Variants in CPXM2 observed in about 807,000 individuals in gnomAD.
CPXM2 encodes the protein carboxypeptidase X, M14 family member 2, also known as inactive carboxypeptidase-like protein X2.
A neutral mutation model predicts 86.1 loss-of-function variants in CPXM2; 66 were observed. The observed-to-expected ratio is 0.77, with a 90% CI of 0.63 to 0.94. The LOEUF (loss-of-function observed/expected upper bound fraction) is 0.94, where lower values mean the gene tolerates loss of function less well. CPXM2 is among the 40% of genes least tolerant of loss of function. CPXM2 has a pLI of 0.00. For missense variants in CPXM2, 948 were observed against 1,026.3 expected (o/e 0.92, Z 1.04); for synonymous variants, 388 against 400.2 (o/e 0.97, Z 0.36).
intron 4 of CPXM2, among the ~76,000 whole-genome samples, chr10:123,817,182 C>G (rs1035952607): frequency 6.6e-6 from 1 of 152,162 alleles, no homozygotes; most frequent in Non-Finnish European, 1.5e-5. Flanking sequence ...TTGAATGACC[C>G]AAAAGGCTGC....
intron 3 of CPXM2, among the ~76,000 whole-genome samples, chr10:123,861,747 C>A (rs1444261015): frequency 1.3e-5 from 2 of 152,222 alleles, no homozygotes; most frequent in African/African-American, 4.8e-5. Flanking sequence ...AAAATTGATT[C>A]TCCCTACAGT....
intron 4 of CPXM2, among the ~76,000 whole-genome samples, chr10:123,834,922 C>A (rs148396100): frequency 6.6e-6 from 1 of 152,292 alleles, no homozygotes; most frequent in Non-Finnish European, 1.5e-5. Context: ...TCCCCTCTCC[C>A]CATGTGATCT....
At chr10:123,843,351 C>A in intron 3 of CPXM2, 1 of 438,014 alleles carries the variant, frequency 2.3e-6, no homozygotes, top group South Asian at 1.7e-5. Flanking sequence ...CCTGACTCCT[C>A]GCCTCCCAAA....
intron 6 of CPXM2, among the ~76,000 whole-genome samples, chr10:123,788,446 T>C (rs1847122594): frequency 1.3e-5 from 2 of 151,720 alleles, no homozygotes; most frequent in African/African-American, 2.4e-5. Flanking sequence ...ATACGAAACT[T>C]CCCCCCTCCA....
In CPXM2 at chr10:123,865,823, G is replaced by T. The variant is rs147807478; in HGVS notation, c.404-3100C>A. 0.013 allele frequency among the ~76,000 whole-genome samples: 1,904 copies of T among 152,204 alleles called. 8 individuals carry two copies. Among genetic ancestry groups the T allele is most frequent in the Middle Eastern group, 0.024 (7 of 294 alleles). Reference sequence around the variant, plus strand: ...GCCTCCTCCTGGCCAACCCCAGGAGGGGCAACACCTCCATCTCTGCTTCTT... The same window carrying T: ...GCCTCCTCCTGGCCAACCCCAGGAGTGGCAACACCTCCATCTCTGCTTCTT... On this transcript the variant is annotated intron_variant, in intron 2 of 13. Coordinates refer to ENST00000241305, the MANE Select transcript of CPXM2 (RefSeq NM_198148.3). This position sits in a 1 kb window ranked among gnomAD's most constrained non-coding sequence, Gnocchi z 4.7.
intron 5 of CPXM2, 138 bp downstream of exon 5, chr10:123,798,977 G>T: frequency 1.1e-6 from 1 of 924,174 alleles, no homozygotes; most frequent in Non-Finnish European, 1.7e-6. Flanking sequence ...AAGGGTCTCT[G>T]TCCATCAGAC....
intron 2 of CPXM2, among the ~76,000 whole-genome samples, chr10:123,936,780 G>C (rs942692662): frequency 1.3e-5 from 2 of 151,954 alleles, no homozygotes; most frequent in Admixed American, 1.3e-4. Context: ...TCCAGTCCTC[G>C]GGCCCCACTG....
intron 3 of CPXM2, among the ~76,000 whole-genome samples, chr10:123,856,402 G>T (rs570741482): frequency 1.8e-4 from 28 of 152,288 alleles, no homozygotes; most frequent in African/African-American, 6.3e-4. Flanking sequence ...CTTCAGCAGG[G>T]CTGCTGTCCC....
chr10:123,875,035 A>T (rs561699080), intron 2 of CPXM2, among the ~76,000 whole-genome samples: 28 of 152,310 alleles, frequency 1.8e-4, no homozygotes, highest in Admixed American at 7.2e-4. Context: ...GACTGGCCAC[A>T]CTGCTCATGT....
Position 123,762,147 on chromosome 10 carries a change from A to G in CPXM2, c.1502T>C (p.Val501Ala). 6.2e-7 allele frequency: 1 copy of G among 1,614,090 alleles called. No homozygotes were observed. Among genetic ancestry groups the G allele is most frequent in the Non-Finnish European group, 8.5e-7 (1 of 1,180,020 alleles). The change falls in exon 11 of 14, where the codon GTC (valine) becomes GCC (alanine). Residue 501 changes from valine to alanine, a missense_variant. Physicochemically the swap from Val to Ala is moderately conservative, Grantham distance 64. Transcript: ENST00000241305. The part of the protein sequence containing the change: ...NATVAAETRA[V>A]IAWMEKIPFV... ...AGGGATTTTTTCCATCCAGGCTATG[A>G]CTGCTCTGGTCTCGGCAGCCACCTG...
intron 8 of CPXM2, among the ~76,000 whole-genome samples, chr10:123,770,373 C>T (rs969199978): frequency 4.6e-5 from 7 of 152,190 alleles, no homozygotes; most frequent in Non-Finnish European, 1.0e-4. Flanking sequence ...GTAAATCAGC[C>T]AAATCTTTGC....
At position 123,751,807 on chromosome 10, in the gene CPXM2, G is replaced by A. The variant is rs760270439; in HGVS notation, c.2017+2856C>T. 44 of 985,286 alleles carry A rather than the reference G, an allele frequency of 4.5e-5. No individual in the cohort carries two copies. The Admixed American group carries it at 1.1e-3, about 25-fold the overall frequency. 61.0% of individuals were successfully genotyped at this position (985,286 alleles called of 1,614,324 possible). A position where few individuals can be genotyped will look rare whatever the true frequency, so the allele number is the denominator to read the frequency against. ...AGATTCTGAAACAGAACAAAGAGCC[G>A]TGTGTAAAGTATGGAGTTTATCTGT... On this transcript the variant is annotated intron_variant, in intron 13 of 13. Transcript: ENST00000241305.
intron 4 of CPXM2, among the ~76,000 whole-genome samples, chr10:123,811,080 T>C (rs60491329): frequency 0.016 from 2,468 of 151,990 alleles, 60 homozygotes; most frequent in African/African-American, 0.057. Flanking sequence ...TGAATATTAA[T>C]ATAGAAAAAA....
chr10:123,786,801 C>G (rs1371681227), intron 6 of CPXM2, among the ~76,000 whole-genome samples: 1 of 152,212 alleles, frequency 6.6e-6, no homozygotes, highest in Admixed American at 6.5e-5. Context: ...TCCTTCACCT[C>G]TCCCTGAGAC....
In CPXM2 at chr10:123,767,138, T is replaced by A; in HGVS notation, c.1314A>T (p.Gly438=). Residue 438 remains glycine (G), a synonymous_variant, in exon 10 of 14, where the codon GGA becomes GGT. Coordinates refer to ENST00000241305, the MANE Select transcript of CPXM2 (RefSeq NM_198148.3). ...EKAYEGGSEL[G]GWSLGRWTHD... is the part of the protein sequence containing the mutation. The stretch of plus-strand genomic sequence containing the variant: ...GGGTCCAGCGTCCCAGGGACCAGCC[T>A]CCCAGCTCCGAGCCCTGGAGACAAG... 3.1e-6 allele frequency: 5 copies of A among 1,614,006 alleles called. No individual in the cohort carries two copies. Among genetic ancestry groups the A allele is most frequent in the Non-Finnish European group, 4.2e-6 (5 of 1,179,984 alleles).
chr10:123,895,539 C>T (rs1945330646), upstream of CPXM2, among the ~76,000 whole-genome samples: 1 of 152,234 alleles, frequency 6.6e-6, no homozygotes, highest in South Asian at 2.1e-4. Flanking sequence ...CAGAAAATTT[C>T]AATAACTCCT....
At chr10:123,750,695 C>T in intron 13 of CPXM2, 1 of 984,820 alleles carries the variant, frequency 1.0e-6, no homozygotes. Flanking sequence ...AGTAGGAGCT[C>T]AATAAGAAAG....
intron 3 of CPXM2, among the ~76,000 whole-genome samples, chr10:123,848,194 G>A (rs1317811338): frequency 6.6e-6 from 1 of 152,210 alleles, no homozygotes; most frequent in Non-Finnish European, 1.5e-5. Flanking sequence ...AGTAAAGTAA[G>A]TAATCTGCCA....
chr10:123,858,706 C>T (rs1408999898), intron 3 of CPXM2, among the ~76,000 whole-genome samples: 1 of 152,200 alleles, frequency 6.6e-6, no homozygotes, highest in East Asian at 1.9e-4. Context: ...GCCAATAATG[C>T]TTGGAGCTGA....
Sources: gnomAD v4.1 joint callset for allele counts (sites outside exome capture counted in the v4.1 genomes callset) on GRCh38, gnomAD v4.1.1 for gene constraint, Gnocchi (gnomAD v3.1) non-coding constraint, MANE v1.5 for transcripts, NCBI Gene and HGNC (gene_info 2026-07-23, HGNC 2026-07-21) for gene names.